Variants in ROBO2 observed in about 807,000 individuals in gnomAD.
ROBO2 encodes roundabout homolog 2.
ROBO2 carries 53 observed loss-of-function variants against 160.8 expected under a neutral mutation model. The ratio of observed to expected loss-of-function variants is 0.33; its 90% CI spans 0.26 to 0.41. The LOEUF (loss-of-function observed/expected upper bound fraction) is 0.41, where lower values mean the gene tolerates loss of function less well. ROBO2 is among the 10% of genes least tolerant of loss of function. The pLI is 1.00. For missense variants in ROBO2, 1,577 were observed against 1,722.4 expected, an observed-to-expected ratio of 0.92 and a Z score of 1.49; for synonymous variants, 664 against 611.7, an observed-to-expected ratio of 1.09 and a Z score of -1.26.
intron 2 of ROBO2, among the ~76,000 whole-genome samples, chr3:77,210,800 C>T (rs994729019): frequency 1.3e-5 from 2 of 150,856 alleles, no homozygotes; most frequent in Non-Finnish European, 2.9e-5. Flanking sequence ...CATGAGTTCT[C>T]ATTGTTCAAT....
At chr3:77,213,526 C>A (rs1267428641) in intron 2 of ROBO2, among the ~76,000 whole-genome samples, 1 of 152,086 alleles carries the variant, frequency 6.6e-6, no homozygotes, top group African/African-American at 2.4e-5. Flanking sequence ...TTTCAAAAAA[C>A]CAACTCCTGG....
intron 2 of ROBO2, among the ~76,000 whole-genome samples, chr3:76,179,805 A>ATATTTCCTATATT (rs1407805007): frequency 3.3e-5 from 5 of 152,090 alleles, no homozygotes; most frequent in Admixed American, 2.0e-4. Flanking sequence ...TTATACTTAC[A>ATATTTCCTATATT]CACTGCCTTG....
intron 2 of ROBO2, among the ~76,000 whole-genome samples, chr3:76,842,438 G>C (rs1451185865): frequency 6.6e-6 from 1 of 152,212 alleles, no homozygotes. Flanking sequence ...CACCACTGTA[G>C]TGGAAAGACC....
At chr3:77,373,464 T>C (rs1470483630) in intron 2 of ROBO2, among the ~76,000 whole-genome samples, 4 of 152,102 alleles carry the variant, frequency 2.6e-5, no homozygotes, top group Admixed American at 2.6e-4. Context: ...GTTTTACTTC[T>C]ATAATACAAG....
chr3:76,040,012 T>C (rs1312851575), intron 2 of ROBO2, among the ~76,000 whole-genome samples: 1 of 151,972 alleles, frequency 6.6e-6, no homozygotes, highest in African/African-American at 2.4e-5. Flanking sequence ...TGAATGTAGG[T>C]TTTTAATGAC....
At position 76,082,679 on chromosome 3, in the gene ROBO2, A is replaced by G. The variant is rs1365552921; in HGVS notation, c.109+145077A>G. On this transcript the variant is annotated intron_variant, in intron 2 of 26. Coordinates refer to the ROBO2 transcript ENST00000487694. ...ATTTGAATCACCTTCTTTAAATAAC[A>G]GTCGCTGCTACTCTCTTTCCTTATT... Among the ~76,000 whole-genome samples, 6 of 152,096 alleles carry G rather than the reference A, an allele frequency of 3.9e-5. No individual in the cohort carries two copies. The South Asian group carries it at 1.2e-3, about 32-fold the overall frequency.
At chr3:76,519,887 A>AGGGGG (rs2081515826) in intron 2 of ROBO2, among the ~76,000 whole-genome samples, 1 of 152,214 alleles carries the variant, frequency 6.6e-6, no homozygotes, top group Non-Finnish European at 1.5e-5. Context: ...AGATCCATGC[A>AGGGGG]ACTTGAATGG....
At chr3:77,489,173 C>T (rs975062537) in intron 4 of ROBO2, among the ~76,000 whole-genome samples, 3 of 152,170 alleles carry the variant, frequency 2.0e-5, no homozygotes, top group African/African-American at 7.2e-5. Context: ...CATCCTAATA[C>T]CCAGGTATAA....
intron 2 of ROBO2, among the ~76,000 whole-genome samples, chr3:76,355,095 A>T (rs1336918610): frequency 4.0e-5 from 6 of 151,030 alleles, no homozygotes; most frequent in Admixed American, 1.3e-4. Flanking sequence ...TTTGCAAGTG[A>T]TGCTATTATA....
At chr3:75,942,708 C>T (rs1428674897) in intron 2 of ROBO2, among the ~76,000 whole-genome samples, 1 of 152,102 alleles carries the variant, frequency 6.6e-6, no homozygotes, top group Non-Finnish European at 1.5e-5. Context: ...TACATGCATT[C>T]CCATAGCTTG....
At chr3:76,304,739 T>C (rs867416309) in intron 2 of ROBO2, among the ~76,000 whole-genome samples, 1 of 83,210 alleles carries the variant, frequency 1.2e-5, no homozygotes, top group Admixed American at 1.3e-4. Flanking sequence ...TTTCTTTTCT[T>C]TTCTTTCCTT....
chr3:77,585,226 T>C (rs2094016026), intron 16 of ROBO2, among the ~76,000 whole-genome samples: 1 of 151,226 alleles, frequency 6.6e-6, no homozygotes, highest in African/African-American at 2.4e-5. Context: ...GTTTGCCAGA[T>C]ATTTTATCTG....
chr3:76,511,302 T>C (rs768970564), intron 2 of ROBO2, among the ~76,000 whole-genome samples: 1 of 152,218 alleles, frequency 6.6e-6, no homozygotes, highest in Non-Finnish European at 1.5e-5. Flanking sequence ...TTCATTGTTA[T>C]GCTAATAAAA....
intron 2 of ROBO2, among the ~76,000 whole-genome samples, chr3:76,852,807 G>C (rs984154410): frequency 6.6e-6 from 1 of 152,052 alleles, no homozygotes; most frequent in Non-Finnish European, 1.5e-5. Flanking sequence ...CTGCCTATTT[G>C]CTTGGCAGTT....
At chr3:77,579,670 T>G (rs2093862198) in intron 15 of ROBO2, among the ~76,000 whole-genome samples, 1 of 152,182 alleles carries the variant, frequency 6.6e-6, no homozygotes, top group Admixed American at 6.6e-5. Flanking sequence ...TTACTCACTA[T>G]GAGCATGCAG....
chr3:76,723,428 T>C (rs2093496577), intron 2 of ROBO2, among the ~76,000 whole-genome samples: 1 of 152,212 alleles, frequency 6.6e-6, no homozygotes, highest in South Asian at 2.1e-4. Context: ...TTTGTTTGCT[T>C]TATTTAAACT....
chr3:76,872,775 A>G (rs1442726326), intron 2 of ROBO2, among the ~76,000 whole-genome samples: 1 of 151,886 alleles, frequency 6.6e-6, no homozygotes, highest in Admixed American at 6.6e-5. Flanking sequence ...TAAAATAAAT[A>G]TATTTATTAT....
At chr3:77,535,392 T>C (rs909860069) in intron 6 of ROBO2, among the ~76,000 whole-genome samples, 2 of 152,022 alleles carry the variant, frequency 1.3e-5, no homozygotes, top group Non-Finnish European at 2.9e-5. Context: ...CATTTTAAGC[T>C]ATAGTTTCCC....
At chr3:76,483,644 T>C (rs1041513794) in intron 2 of ROBO2, among the ~76,000 whole-genome samples, 2 of 152,170 alleles carry the variant, frequency 1.3e-5, no homozygotes, top group Non-Finnish European at 2.9e-5. Context: ...AGGTTTGTTA[T>C]ACAGAATATT....
Sources: gnomAD v4.1 joint callset for allele counts (sites outside exome capture counted in the v4.1 genomes callset) on GRCh38, gnomAD v4.1.1 for gene constraint, MANE v1.5 for transcripts, NCBI Gene and HGNC (gene_info 2026-07-23, HGNC 2026-07-21) for gene names.